The following SIRT1 variants were observed in gnomAD, a reference collection of about 807,000 sequenced individuals.
The protein encoded by SIRT1 is NAD-dependent protein deacetylase sirtuin-1.
SIRT1 carries 24 observed loss-of-function variants against 67.9 expected under a neutral mutation model. That is an observed-to-expected ratio of 0.35 (90% CI 0.26 to 0.50). The LOEUF is 0.50. SIRT1 is among the 20% of genes least tolerant of loss of function. The probability of loss-of-function intolerance (pLI) is 0.98; values close to 1 mark genes in which losing one functional copy is unlikely to be tolerated. For synonymous variants in SIRT1, 378 were observed against 350.7 expected (o/e 1.08, Z -0.87); for missense variants, 873 against 937.2 (o/e 0.93, Z 0.89).
intron 3 of SIRT1, among the ~76,000 whole-genome samples, chr10:67,890,137 C>T (rs566007471): frequency 6.6e-6 from 1 of 152,076 alleles, no homozygotes; most frequent in Admixed American, 6.5e-5. Context: ...CTCACTGCAA[C>T]CTCTGCCTCC....
At position 67,916,285 on chromosome 10, in the gene SIRT1, C is replaced by T; in HGVS notation, c.1936C>T (p.Pro646Ser). The T allele has an allele frequency of 6.3e-7, 1 of 1,597,518 alleles. No homozygotes were observed. The highest frequency in any genetic ancestry group is 8.6e-7 in the Non-Finnish European group (1 of 1,167,274). ...RLDGNQYLFL[P>S]PNRYIFHGAE... is the part of the protein sequence containing the mutation. ...TTCAGGTAATCAGTATCTGTTTTTGCCACCAAATCGTTACATTTTCCATGG... is the reference window on the plus strand; with the variant it reads ...TTCAGGTAATCAGTATCTGTTTTTGTCACCAAATCGTTACATTTTCCATGG... Residue 646 changes from proline (P) to serine (S), a missense_variant, in exon 9 of 9, where the codon CCA (proline) becomes TCA (serine). By Grantham distance (74) the Pro-to-Ser change is moderately conservative. Coordinates refer to ENST00000212015, the MANE Select transcript of SIRT1 (RefSeq NM_012238.5).
intron 8 of SIRT1, 85 bp downstream of exon 8, chr10:67,913,116 A>G (rs2131890576): frequency 3.0e-6 from 4 of 1,343,946 alleles, no homozygotes; most frequent in Non-Finnish European, 4.0e-6. Context: ...AGGTTAATCG[A>G]TAGGGTAGCT....
intron 7 of SIRT1, among the ~76,000 whole-genome samples, chr10:67,911,664 CTTCT>C (rs1025808202): frequency 2.2e-4 from 27 of 122,884 alleles, no homozygotes; most frequent in Non-Finnish European, 3.4e-4. Context: ...TTCATCCTTC[CTTCT>C]GTTAGTCCTT....
Position 67,916,699 on chromosome 10 carries a change from G to A in SIRT1, c.*106G>A, listed in dbSNP as rs1263190491. The A allele has an allele frequency of 1.2e-6, 1 of 839,870 alleles. No homozygotes were observed. The highest frequency in any genetic ancestry group is 2.1e-5 in the South Asian group (1 of 46,530). The allele number at this position is 839,870 out of a possible 1,614,324, so 52.0% of individuals were successfully genotyped here. A position where few individuals can be genotyped will look rare whatever the true frequency, so the allele number is the denominator to read the frequency against. ...CTCGATAGAGCAAGGAAACCAGAAA[G>A]GTGTAATATTTATAGGTTGGTAAAA... On this transcript the variant is annotated 3_prime_UTR_variant, in exon 9 of 9. Coordinates refer to ENST00000212015, the MANE Select transcript of SIRT1 (RefSeq NM_012238.5).
At chr10:67,896,803 C>G (rs911063823) in intron 4 of SIRT1, among the ~76,000 whole-genome samples, 2 of 150,836 alleles carry the variant, frequency 1.3e-5, no homozygotes, top group Non-Finnish European at 2.9e-5. Context: ...TGGTCTCCAC[C>G]TACGTTTGTA....
intron 8 of SIRT1, among the ~76,000 whole-genome samples, chr10:67,914,542 A>AT (rs2029868457): frequency 6.6e-6 from 1 of 152,188 alleles, no homozygotes; most frequent in Non-Finnish European, 1.5e-5. Flanking sequence ...AAGTAGAAAA[A>AT]TTGCTACTGA....
chr10:67,885,163 G>A lies in SIRT1; in HGVS notation c.430+12G>A. 1 of 1,376,130 alleles carries A rather than the reference G, an allele frequency of 7.3e-7. No individual in the cohort carries two copies. The highest frequency in any genetic ancestry group is 1.7e-5 in the South Asian group (1 of 60,606). 85.2% of individuals were successfully genotyped at this position (1,376,130 alleles called of 1,614,324 possible). A position where few individuals can be genotyped will look rare whatever the true frequency, so the allele number is the denominator to read the frequency against. ...GATTGGGTACCGAGGTGCGCAGGGTGCGGGCGGCCGGAACTGCGCATCTCC... is the reference window on the plus strand; with the variant it reads ...GATTGGGTACCGAGGTGCGCAGGGTACGGGCGGCCGGAACTGCGCATCTCC... On this transcript the variant is annotated intron_variant, in intron 1 of 8. Coordinates refer to ENST00000212015, the MANE Select transcript of SIRT1 (RefSeq NM_012238.5).
intron 4 of SIRT1, among the ~76,000 whole-genome samples, chr10:67,895,886 T>A (rs545902560): frequency 2.6e-5 from 4 of 151,684 alleles, no homozygotes; most frequent in African/African-American, 9.7e-5. Context: ...GGATTACAGG[T>A]GCCCATCACC....
At chr10:67,903,992 A>G (rs1842782132) in intron 4 of SIRT1, among the ~76,000 whole-genome samples, 1 of 152,144 alleles carries the variant, frequency 6.6e-6, no homozygotes, top group African/African-American at 2.4e-5. Flanking sequence ...GAGTTAATCC[A>G]TATTCTATCT....
rs1842914639 is a variant in SIRT1 at position 67,912,455 on chromosome 10, AT to A, written c.1358-14del. 6.4e-7 allele frequency: 1 copy of A among 1,564,058 alleles called. No homozygotes were observed. Among genetic ancestry groups the A allele is most frequent in the Non-Finnish European group, 8.6e-7 (1 of 1,159,370 alleles). ...TTCCTCCTCCCTTTTTCTAACTCTT[AT>A]TTTTCACCCTATTTTAGGTTCCATA... On this transcript the variant is annotated intron_variant, in intron 7 of 8. Transcript: ENST00000212015.
rs780251757 is a variant in SIRT1, at chr10:67,906,963, T to C, written c.1090+26T>C. On this transcript the variant is annotated intron_variant, in intron 5 of 8. Transcript: ENST00000212015. ...GTTAGTAAACTTCAGAGTGGTTTTC[T>C]GTAATTTATTTTAGTTTTATAGGAA... 9 of 1,524,936 alleles carry C rather than the reference T, an allele frequency of 5.9e-6. No homozygotes were observed. In the African/African-American group the frequency reaches 1.1e-4, roughly 19 times the overall value. 94.5% of individuals were successfully genotyped at this position (1,524,936 alleles called of 1,614,324 possible). A position where few individuals can be genotyped will look rare whatever the true frequency, so the allele number is the denominator to read the frequency against.
chr10:67,897,402 C>T (rs1842675267), intron 4 of SIRT1, among the ~76,000 whole-genome samples: 1 of 151,536 alleles, frequency 6.6e-6, no homozygotes. Context: ...AATCTCCTGC[C>T]TTAGCCTCTT....
intron 8 of SIRT1, among the ~76,000 whole-genome samples, chr10:67,914,818 C>G (rs1185678279): frequency 6.6e-6 from 1 of 151,958 alleles, no homozygotes; most frequent in African/African-American, 2.4e-5. Context: ...AGCGATTCTC[C>G]TGCCTCACTC....
intron 4 of SIRT1, among the ~76,000 whole-genome samples, chr10:67,900,229 T>C (rs1842720940): frequency 6.6e-6 from 1 of 151,990 alleles, no homozygotes; most frequent in Non-Finnish European, 1.5e-5. Flanking sequence ...CACTGCAACC[T>C]CTGCCTCCCG....
intron 4 of SIRT1, among the ~76,000 whole-genome samples, chr10:67,893,063 C>G (rs1459561632): frequency 6.6e-6 from 1 of 152,150 alleles, no homozygotes; most frequent in Non-Finnish European, 1.5e-5. Context: ...TCCTGTATTT[C>G]AGTCTTTTGG....
chr10:67,903,844 G>A (rs112898818), intron 4 of SIRT1, among the ~76,000 whole-genome samples: 1 of 152,070 alleles, frequency 6.6e-6, no homozygotes, highest in Admixed American at 6.6e-5. Flanking sequence ...TCCACTCTTG[G>A]TCTATAAGGA....
intron 8 of SIRT1, among the ~76,000 whole-genome samples, chr10:67,913,409 A>C (rs1842929929): frequency 6.6e-6 from 1 of 152,226 alleles, no homozygotes; most frequent in East Asian, 1.9e-4. Context: ...CATAGAGGTT[A>C]AATACCTCAT....
intron 5 of SIRT1, 125 bp downstream of exon 5, chr10:67,907,062 C>T (rs1207392916): frequency 1.1e-5 from 9 of 848,050 alleles, no homozygotes; most frequent in South Asian, 5.3e-5. Flanking sequence ...TCTCATTTAT[C>T]GATAACCTCA....
chr10:67,916,244 A>G (rs1447612637), intron 8 of SIRT1, 21 bp from the exon 9 acceptor site: 1 of 1,578,956 alleles, frequency 6.3e-7, no homozygotes, highest in Non-Finnish European at 8.6e-7. Flanking sequence ...TGAAAGTAAC[A>G]TTTTTATTAC....
Sources: gnomAD v4.1 joint callset for allele counts (sites outside exome capture counted in the v4.1 genomes callset) on GRCh38, gnomAD v4.1.1 for gene constraint, MANE v1.5 for transcripts, NCBI Gene and HGNC (gene_info 2026-07-23, HGNC 2026-07-21) for gene names.